SRFBP1: variants seen among roughly 807,000 people sequenced by gnomAD.
SRFBP1 encodes serum response factor binding protein 1.
Under a neutral mutation model 45.5 loss-of-function variants are expected in SRFBP1, and 47 were observed. The observed-to-expected ratio is 1.03, with a 90% CI of 0.82 to 1.32. SRFBP1 has a LOEUF of 1.32. SRFBP1 is among the 40% of genes most tolerant of loss of function. The pLI, the probability that SRFBP1 is intolerant of heterozygous loss-of-function variation, is 0.00. For missense variants in SRFBP1, 621 were observed against 484.6 expected (o/e 1.28, Z -2.64); for synonymous variants, 203 against 166.3 (o/e 1.22, Z -1.70).
chr5:122,032,284 T>C (rs1229517011), downstream of SRFBP1, among the ~76,000 whole-genome samples: 1 of 151,722 alleles, frequency 6.6e-6, no homozygotes, highest in Admixed American at 6.6e-5. Context: ...TTTTCCTTTA[T>C]GTATATGAAA....
chr5:122,031,652 C>CCCATTTTCATACATTTCACCCATTTT (rs1753589880), downstream of SRFBP1, among the ~76,000 whole-genome samples: 3 of 152,066 alleles, frequency 2.0e-5, no homozygotes, highest in Non-Finnish European at 4.4e-5. Flanking sequence ...TCACCCATAG[C>CCCATTTTCATACATTTCACCCATTTT]CATACATGCC....
At chr5:122,008,586 T>G (rs1262213119) in intron 4 of SRFBP1, among the ~76,000 whole-genome samples, 2 of 152,158 alleles carry the variant, frequency 1.3e-5, no homozygotes, top group South Asian at 2.1e-4. Flanking sequence ...TGTTGTTGTT[T>G]TTCTTTTTTT....
intron 4 of SRFBP1, among the ~76,000 whole-genome samples, chr5:121,998,265 C>T (rs534451139): frequency 6.6e-6 from 1 of 151,680 alleles, no homozygotes; most frequent in African/African-American, 2.4e-5. Context: ...GGAACCAACC[C>T]AAATGTCCAA....
intron 2 of SRFBP1, among the ~76,000 whole-genome samples, chr5:122,051,030 G>A (rs1472759997): frequency 6.6e-6 from 1 of 152,166 alleles, no homozygotes; most frequent in Admixed American, 6.5e-5. Context: ...TTCAGGAGCA[G>A]GTTATTTATT....
Position 122,054,334 on chromosome 5 carries a change from G to C in SRFBP1, n.312-20981G>C, listed in dbSNP as rs75611463. ...TCTCTCACCTTTCCTGTATTGGAGA[G>C]GTTTTCCTGGCTCCGAGCTAAGCCC... On this transcript the variant is annotated intron_variant and non_coding_transcript_variant, in intron 2 of 2. Transcript: ENST00000504881. 5.1e-3 allele frequency among the ~76,000 whole-genome samples: 777 copies of C among 152,296 alleles called. 19 individuals carry two copies. The East Asian group carries it at 0.052, about 10-fold the overall frequency.
intron 2 of SRFBP1, among the ~76,000 whole-genome samples, chr5:122,038,589 A>G (rs1017754340): frequency 6.6e-6 from 1 of 152,224 alleles, no homozygotes; most frequent in Admixed American, 6.5e-5. Flanking sequence ...ACAAAGATCC[A>G]CTGAGACTCC....
chr5:122,016,355 G>A (rs960804935), intron 4 of SRFBP1, among the ~76,000 whole-genome samples: 23 of 152,190 alleles, frequency 1.5e-4, no homozygotes, highest in African/African-American at 5.5e-4. Context: ...TAAACTGCAT[G>A]TGTGGAAGTA....
downstream of SRFBP1, chr5:122,077,724 G>T (rs997637411): frequency 3.2e-6 from 5 of 1,580,990 alleles, no homozygotes; most frequent in Admixed American, 1.8e-5. The surrounding 1 kb of genome is among the most constrained non-coding windows in gnomAD (Gnocchi z 4.9). Context: ...ATCGGAGTGC[G>T]GGGCTGCTGG....
chr5:122,035,160 GTTGT>G lies in SRFBP1; in HGVS notation n.311+12764_311+12767del, dbSNP rs375106284. 6.1e-3 allele frequency among the ~76,000 whole-genome samples: 933 copies of G among 151,956 alleles called. 16 individuals carry two copies. Among genetic ancestry groups the G allele is most frequent in the African/African-American group, 0.022 (893 of 41,450 alleles). On this transcript the variant is annotated intron_variant and non_coding_transcript_variant, in intron 2 of 2. Coordinates refer to the SRFBP1 transcript ENST00000504881. ...CCTTCCAGTGGCTTAAGTTTTTGTT[GTTGT>G]TTGTTTGTTTTTTCCAGTAGGGAAA...
chr5:121,981,374 A>C (rs958917036), intron 3 of SRFBP1, among the ~76,000 whole-genome samples: 1 of 151,986 alleles, frequency 6.6e-6, no homozygotes, highest in Non-Finnish European at 1.5e-5. Context: ...AACACATTCA[A>C]ATCATAATAG....
At chr5:122,016,350 T>G (rs1420818244) in intron 4 of SRFBP1, among the ~76,000 whole-genome samples, 1 of 152,204 alleles carries the variant, frequency 6.6e-6, no homozygotes, top group Non-Finnish European at 1.5e-5. Flanking sequence ...TTGAATAAAC[T>G]GCATGTGTGG....
chr5:122,071,713 A>G (rs2152588217), intron 2 of SRFBP1, among the ~76,000 whole-genome samples: 1 of 152,296 alleles, frequency 6.6e-6, no homozygotes, highest in Non-Finnish European at 1.5e-5. Flanking sequence ...TGCTAGATTC[A>G]TTTTAACTCA....
chr5:122,072,047 A>T (rs1347970289), intron 2 of SRFBP1, among the ~76,000 whole-genome samples: 3 of 152,330 alleles, frequency 2.0e-5, no homozygotes, highest in Admixed American at 1.3e-4. Context: ...CCAGCATACA[A>T]TTCTGATTCT....
chr5:121,986,591 A>G (rs1217976789), intron 3 of SRFBP1, among the ~76,000 whole-genome samples: 3 of 152,006 alleles, frequency 2.0e-5, no homozygotes, highest in Non-Finnish European at 1.5e-5. Context: ...TGCTGTCAGT[A>G]TTCTTTTTGA....
At position 122,046,006 on chromosome 5, in the gene SRFBP1, C is replaced by T. The variant is rs1435259129; in HGVS notation, n.311+23599C>T. Among the ~76,000 whole-genome samples the T allele has an allele frequency of 2.0e-5, 3 of 151,862 alleles. 1 individual carries two copies. The South Asian group carries it at 6.2e-4, about 32-fold the overall frequency. On this transcript the variant is annotated intron_variant and non_coding_transcript_variant, in intron 2 of 2. Coordinates refer to the SRFBP1 transcript ENST00000504881. ...GGCTGTGGGTTTGTCATAGATGGCTCTTATTATTTAAAAGTATGATCCTTC... is the reference window on the plus strand; with the variant it reads ...GGCTGTGGGTTTGTCATAGATGGCTTTTATTATTTAAAAGTATGATCCTTC...
intron 7 of SRFBP1, among the ~76,000 whole-genome samples, chr5:122,024,304 G>T (rs73285756): frequency 0.01 from 1,555 of 152,242 alleles, 34 homozygotes; most frequent in African/African-American, 0.035. Flanking sequence ...CTCATTCTCA[G>T]TTATCTGTTT....
At chr5:122,051,723 C>G (rs191588961) in intron 2 of SRFBP1, among the ~76,000 whole-genome samples, 5 of 151,780 alleles carry the variant, frequency 3.3e-5, no homozygotes, top group South Asian at 2.1e-4. Context: ...CACTCCATGC[C>G]TTTTAATTGG....
intron 4 of SRFBP1, among the ~76,000 whole-genome samples, chr5:122,013,250 A>G (rs1196872448): frequency 1.3e-5 from 2 of 152,120 alleles, no homozygotes; most frequent in Non-Finnish European, 2.9e-5. Flanking sequence ...AACATTTTTC[A>G]TATTTCAATA....
intron 1 of SRFBP1, among the ~76,000 whole-genome samples, chr5:121,969,454 C>G (rs186663548): frequency 2.6e-5 from 4 of 151,942 alleles, no homozygotes; most frequent in African/African-American, 9.7e-5. Context: ...CAACTTTTGC[C>G]TCTCTGTGGT....
Sources: allele counts gnomAD v4.1 joint callset (sites outside exome capture counted in the v4.1 genomes callset), GRCh38; gene constraint gnomAD v4.1.1; non-coding constraint Gnocchi (gnomAD v3.1); transcripts MANE v1.5; gene names NCBI Gene and HGNC (gene_info 2026-07-23, HGNC 2026-07-21).